ZCWPW1: variants seen among roughly 807,000 people sequenced by gnomAD.
ZCWPW1 encodes zinc finger CW-type and PWWP domain containing 1.
Under a neutral mutation model 81.3 loss-of-function variants are expected in ZCWPW1, and 56 were observed. The ratio of observed to expected loss-of-function variants is 0.69; its 90% CI spans 0.56 to 0.86. The LOEUF is 0.86. Among genes scored for constraint, ZCWPW1 ranks in the 40% least tolerant of loss-of-function variants. The probability of loss-of-function intolerance (pLI) is 0.00; values close to 1 mark genes in which losing one functional copy is unlikely to be tolerated. For synonymous variants in ZCWPW1, 250 were observed against 273.7 expected, an observed-to-expected ratio of 0.91 and a Z score of 0.86; for missense variants, 650 against 769.8, an observed-to-expected ratio of 0.84 and a Z score of 1.84.
chr7:100,406,380 T>C (rs907687555), intron 12 of ZCWPW1, among the ~76,000 whole-genome samples: 3 of 152,118 alleles, frequency 2.0e-5, no homozygotes, highest in Non-Finnish European at 4.4e-5. Context: ...GAAATGCCAA[T>C]AGTGCTGAGA....
intron 1 of ZCWPW1, among the ~76,000 whole-genome samples, chr7:100,427,400 T>C (rs1479703826): frequency 1.3e-5 from 2 of 151,238 alleles, no homozygotes; most frequent in East Asian, 2.0e-4. Flanking sequence ...CCGTCTCTAC[T>C]AAAAATACAA....
chr7:100,427,635 G>C (rs1797905066), intron 1 of ZCWPW1, among the ~76,000 whole-genome samples: 1 of 151,392 alleles, frequency 6.6e-6, no homozygotes, highest in South Asian at 2.1e-4. Context: ...GGAGGTGGGG[G>C]TTGCAGTGAG....
chr7:100,423,931 G>A (rs1796814316), intron 2 of ZCWPW1, among the ~76,000 whole-genome samples: 1 of 152,064 alleles, frequency 6.6e-6, no homozygotes, highest in Non-Finnish European at 1.5e-5. Context: ...TTAGCCGGGC[G>A]TGGTGGCGGG....
chr7:100,418,961 G>A (rs1795853588), intron 5 of ZCWPW1, 150 bp downstream of exon 5: 1 of 597,174 alleles, frequency 1.7e-6, no homozygotes, highest in Non-Finnish European at 2.9e-6. Flanking sequence ...GACAGATGAT[G>A]AAGTATTTTT....
chr7:100,425,278 C>G (rs1031109284), intron 1 of ZCWPW1, 142 bp from the exon 2 acceptor site: 1 of 152,134 alleles, frequency 6.6e-6, no homozygotes, highest in Admixed American at 6.5e-5. Context: ...TCTTTTCTTA[C>G]CTTAGATGAA....
chr7:100,412,946 G>A (rs940079952), intron 8 of ZCWPW1, among the ~76,000 whole-genome samples: 1 of 151,936 alleles, frequency 6.6e-6, no homozygotes, highest in African/African-American at 2.4e-5. Context: ...GGAGTGATGT[G>A]GTATGAACAT....
Position 100,405,239 on chromosome 7 carries a change from C to T in ZCWPW1, c.1174-146G>A. 6 of 626,546 alleles carry T rather than the reference C, an allele frequency of 9.6e-6. No individual in the cohort carries two copies. The South Asian group carries it at 9.6e-5, about 10-fold the overall frequency. 38.8% of individuals were successfully genotyped at this position (626,546 alleles called of 1,614,324 possible). A position where few individuals can be genotyped will look rare whatever the true frequency, so the allele number is the denominator to read the frequency against. On this transcript the variant is annotated intron_variant, in intron 12 of 17. Coordinates refer to ENST00000684423, the MANE Select transcript of ZCWPW1 (RefSeq NM_001386010.1). ...GGTCAGGAGTTCAACACCAGCCTGG[C>T]CAAGATGGTGAAACCCCGTCTCTAA...
At chr7:100,414,683 T>C (rs750653832) in intron 8 of ZCWPW1, among the ~76,000 whole-genome samples, 2 of 152,142 alleles carry the variant, frequency 1.3e-5, no homozygotes, top group Non-Finnish European at 2.9e-5. Flanking sequence ...TTTTGAATTT[T>C]TGAACACACT....
At chr7:100,410,328 C>T (rs1418371329) in intron 8 of ZCWPW1, among the ~76,000 whole-genome samples, 2 of 152,176 alleles carry the variant, frequency 1.3e-5, no homozygotes, top group African/African-American at 2.4e-5. Flanking sequence ...TGGAGACCCA[C>T]TAATGACACT....
Position 100,404,214 on chromosome 7 carries a change from G to A in ZCWPW1, c.1285C>T (p.Arg429Ter), listed in dbSNP as rs200171152. Reference protein sequence around the residue: ...ERVNLFGFWSRFNGSNSNGER... With the variant: ...ERVNLFGFWS ...CCATTACTGTTAGATCCGTTGAATCGGCTCCAGAAACCAAACAAGTTAACC... is the reference window on the plus strand; with the variant it reads ...CCATTACTGTTAGATCCGTTGAATCAGCTCCAGAAACCAAACAAGTTAACC... Residue 429 changes from arginine to a stop codon, truncating the protein, a stop_gained, in exon 14 of 18, where the codon CGA (arginine) becomes TGA (stop). Coordinates refer to ENST00000684423, the MANE Select transcript of ZCWPW1 (RefSeq NM_001386010.1). LOFTEE classifies it high-confidence loss of function. 3.5e-5 allele frequency: 56 copies of A among 1,613,838 alleles called. No homozygotes were observed. Among genetic ancestry groups the A allele is most frequent in the Non-Finnish European group, 4.4e-5 (52 of 1,179,994 alleles).
chr7:100,424,484 A>G (rs982275346), intron 2 of ZCWPW1, among the ~76,000 whole-genome samples: 6 of 152,122 alleles, frequency 3.9e-5, no homozygotes, highest in African/African-American at 1.2e-4. Flanking sequence ...TTTTTTTGAG[A>G]CACAGTCTTG....
At chr7:100,409,355 C>A (rs1335741817) in intron 9 of ZCWPW1, 73 bp downstream of exon 9, 4 of 1,209,458 alleles carry the variant, frequency 3.3e-6, no homozygotes, top group Non-Finnish European at 4.8e-6. Context: ...AGTATTTAAT[C>A]TAAAGGATAA....
At position 100,416,426 on chromosome 7, in the gene ZCWPW1, T is replaced by C. The variant is rs547327770; in HGVS notation, c.510A>G (p.Ser170=). 6.2e-7 allele frequency: 1 copy of C among 1,614,212 alleles called. No homozygotes were observed. Among genetic ancestry groups the C allele is most frequent in the African/African-American group, 1.3e-5 (1 of 75,058 alleles). The stretch of plus-strand genomic sequence containing the variant: ...GGGCAGCTTCACCTTCCCAAGACAC[T>C]GAAATCTCTTGAGTATGTGGTACCT... ...GEEVPHTQEI[S]VSWEGEAAPE... The change falls in exon 7 of 18, where the codon TCA becomes TCG. Residue 170 remains serine, a synonymous_variant. Coordinates refer to ENST00000684423, the MANE Select transcript of ZCWPW1 (RefSeq NM_001386010.1).
chr7:100,409,085 G>A (rs990630309), intron 9 of ZCWPW1, among the ~76,000 whole-genome samples: 2 of 152,014 alleles, frequency 1.3e-5, no homozygotes, highest in Admixed American at 6.6e-5. Context: ...AATTCTAAGC[G>A]CACCAGATCT....
Position 100,401,135 on chromosome 7 carries a change from G to C in ZCWPW1, c.1829C>G (p.Ser610Cys). ...GAGTTGCTCCAGGTCCAGGTCACTG[G>C]AGGCTTCGTCCTCAAGGGGGACACT... ...AGSVPLEDEA[S>C]SDLDLEQLME... Residue 610 changes from serine to cysteine, a missense_variant, in exon 18 of 18, where the codon TCC (serine) becomes TGC (cysteine). Transcript: ENST00000684423. The C allele has an allele frequency of 1.2e-6, 2 of 1,614,242 alleles. No homozygotes were observed. Among genetic ancestry groups the C allele is most frequent in the Non-Finnish European group, 1.7e-6 (2 of 1,180,032 alleles).
intron 2 of ZCWPW1, among the ~76,000 whole-genome samples, chr7:100,424,012 G>A (rs1796836484): frequency 6.7e-6 from 1 of 149,840 alleles, no homozygotes; most frequent in South Asian, 2.1e-4. Context: ...GGAGGTTGCA[G>A]TGAGCCAAGA....
rs1055004588 is a variant in ZCWPW1 at position 100,408,402 on chromosome 7, T to C, written c.992+137A>G. ...CAAAGCCTCCAGGCTTGGTACTTTATCTTTTCTCTCACCCCATGCTCTTTC... is the reference window on the plus strand; with the variant it reads ...CAAAGCCTCCAGGCTTGGTACTTTACCTTTTCTCTCACCCCATGCTCTTTC... On this transcript the variant is annotated intron_variant, in intron 10 of 17. Transcript: ENST00000684423. 1.1e-5 allele frequency: 14 copies of C among 1,259,190 alleles called. No individual in the cohort carries two copies. In the African/African-American group the frequency reaches 1.5e-4, roughly 14 times the overall value. The allele number at this position is 1,259,190 out of a possible 1,614,324, so 78.0% of individuals were successfully genotyped here.
chr7:100,416,996 T>A, intron 6 of ZCWPW1, 70 bp downstream of exon 6: 2 of 1,097,726 alleles, frequency 1.8e-6, no homozygotes, highest in South Asian at 2.6e-5. Flanking sequence ...GACAGACAGA[T>A]AGATAGACTG....
At position 100,420,767 on chromosome 7, in the gene ZCWPW1, C is replaced by T. The variant is rs571527910; in HGVS notation, c.-29-89G>A. The T allele has an allele frequency of 2.7e-4, 351 of 1,293,894 alleles. 1 individual carries two copies. The highest frequency in any genetic ancestry group is 4.7e-5 in the East Asian group (2 of 42,194). 80.2% of individuals were successfully genotyped at this position (1,293,894 alleles called of 1,614,324 possible). A position where few individuals can be genotyped will look rare whatever the true frequency, so the allele number is the denominator to read the frequency against. On this transcript the variant is annotated intron_variant, in intron 2 of 17. Transcript: ENST00000684423. ...ACTTGGGTTCAGAAACTCTTTGTTT[C>T]AGACCTCTGAACTAGGTTTCTGCAT... is the stretch of plus-strand genomic sequence containing the variant.
Sources: gnomAD v4.1 joint callset for allele counts (sites outside exome capture counted in the v4.1 genomes callset) on GRCh38, gnomAD v4.1.1 for gene constraint, MANE v1.5 for transcripts, NCBI Gene and HGNC (gene_info 2026-07-23, HGNC 2026-07-21) for gene names.